The following EFR3B variants were observed in gnomAD, a reference collection of about 807,000 sequenced individuals.
The protein encoded by EFR3B is protein EFR3 homolog B.
In EFR3B, 64 loss-of-function variants were observed where a neutral mutation model predicts 104.7. That is an observed-to-expected ratio of 0.61 (90% CI 0.50 to 0.75). The LOEUF (loss-of-function observed/expected upper bound fraction) is 0.75, where lower values mean the gene tolerates loss of function less well. Among genes scored for constraint, EFR3B ranks in the 30% least tolerant of loss-of-function variants. The pLI, the probability that EFR3B is intolerant of heterozygous loss-of-function variation, is 0.00. For synonymous variants in EFR3B, 385 were observed against 417.9 expected (o/e 0.92, Z 0.96); for missense variants, 750 against 1,078.5 (o/e 0.70, Z 4.27).
intron 1 of EFR3B, among the ~76,000 whole-genome samples, chr2:25,059,386 T>TG (rs1668116810): frequency 6.6e-6 from 1 of 151,958 alleles, no homozygotes; most frequent in Non-Finnish European, 1.5e-5. Context: ...ACCCGGCCAA[T>TG]ATTCAGTCTT....
In EFR3B at chr2:25,131,076, A is replaced by G. The variant is rs897664373; in HGVS notation, c.850-292A>G. 5.3e-5 allele frequency among the ~76,000 whole-genome samples: 8 copies of G among 152,150 alleles called. No homozygotes were observed. The highest frequency in any genetic ancestry group is 1.0e-4 in the Non-Finnish European group (7 of 68,036). Reference sequence around the variant, plus strand: ...TGGCCTCCCGTGGCTCTTGCCGGAAAGACCTGAAGAAATGAAAGGAAGACC... The same window carrying G: ...TGGCCTCCCGTGGCTCTTGCCGGAAGGACCTGAAGAAATGAAAGGAAGACC... On this transcript the variant is annotated intron_variant, in intron 8 of 22. Coordinates refer to ENST00000403714, the MANE Select transcript of EFR3B (RefSeq NM_014971.2). The surrounding 1 kb of genome is among the most constrained non-coding windows in gnomAD (Gnocchi z 7.6).
At chr2:25,098,160 C>G (rs1454093532) in intron 3 of EFR3B, among the ~76,000 whole-genome samples, 1 of 152,116 alleles carries the variant, frequency 6.6e-6, no homozygotes, top group Non-Finnish European at 1.5e-5. Flanking sequence ...CCCTCTCTCC[C>G]TACTTCTGGA....
rs933467646 is a variant in EFR3B, at chr2:25,042,413, C to A, written c.7+94C>A. On this transcript the variant is annotated intron_variant, in intron 1 of 22. Transcript: ENST00000403714. This position sits in a 1 kb window ranked among gnomAD's most constrained non-coding sequence, Gnocchi z 5.4. Reference sequence around the variant, plus strand: ...ATTGTCCCCCTGCACGGCCCTGGCGCGGGGCCAGGCCGCTGACCTGGTGCC... The same window carrying A: ...ATTGTCCCCCTGCACGGCCCTGGCGAGGGGCCAGGCCGCTGACCTGGTGCC... 2 of 1,220,600 alleles carry A rather than the reference C, an allele frequency of 1.6e-6. No individual in the cohort carries two copies. The highest frequency in any genetic ancestry group is 2.0e-6 in the Non-Finnish European group (2 of 980,394). The allele number at this position is 1,220,600 out of a possible 1,614,324, so 75.6% of individuals were successfully genotyped here.
chr2:25,144,522 C>T (rs1176994256), intron 18 of EFR3B, among the ~76,000 whole-genome samples: 3 of 151,552 alleles, frequency 2.0e-5, no homozygotes, highest in Admixed American at 6.6e-5. Flanking sequence ...CCAGCCTGGG[C>T]GACAGAGCAA....
At chr2:25,073,315 T>C (rs964664728) in intron 1 of EFR3B, among the ~76,000 whole-genome samples, 4 of 152,026 alleles carry the variant, frequency 2.6e-5, no homozygotes, top group East Asian at 3.9e-4. Context: ...GCTCTCTCTA[T>C]GCTATAAAAT....
chr2:25,059,999 C>A (rs1006000953), intron 1 of EFR3B, among the ~76,000 whole-genome samples: 2 of 151,506 alleles, frequency 1.3e-5, no homozygotes, highest in East Asian at 3.9e-4. Flanking sequence ...GAATTCGAGA[C>A]CAGCCCGGCC....
intron 21 of EFR3B, among the ~76,000 whole-genome samples, chr2:25,153,495 T>C (rs1306865018): frequency 6.6e-6 from 1 of 152,190 alleles, no homozygotes; most frequent in East Asian, 1.9e-4. Flanking sequence ...TGAGCCTCTG[T>C]CCTGTCCCCA....
At chr2:25,150,377 TG>T (rs1216569394) in intron 20 of EFR3B, among the ~76,000 whole-genome samples, 1 of 151,766 alleles carries the variant, frequency 6.6e-6, no homozygotes, top group Non-Finnish European at 1.5e-5. Flanking sequence ...TTGGTTTATT[TG>T]GTGAAGTGTG....
At chr2:25,149,790 G>A (rs879064102) in intron 20 of EFR3B, 48 bp downstream of exon 20, 1 of 1,521,390 alleles carries the variant, frequency 6.6e-7, no homozygotes, top group Non-Finnish European at 8.9e-7. Context: ...ATGGGGTGGG[G>A]TCCTTGGGCC....
intron 1 of EFR3B, among the ~76,000 whole-genome samples, chr2:25,071,015 C>T (rs1668478858): frequency 1.3e-5 from 2 of 152,202 alleles, no homozygotes; most frequent in African/African-American, 4.8e-5. Flanking sequence ...GACTGGAGTG[C>T]ACTGGTGCGA....
chr2:25,103,968 T>A (rs1669496643), intron 4 of EFR3B, among the ~76,000 whole-genome samples, 181 bp downstream of exon 4: 1 of 151,754 alleles, frequency 6.6e-6, no homozygotes, highest in South Asian at 2.1e-4. Flanking sequence ...TTTCATTTTT[T>A]AATTTAAACA....
At chr2:25,076,807 G>A (rs374771076) in intron 1 of EFR3B, among the ~76,000 whole-genome samples, 7 of 152,254 alleles carry the variant, frequency 4.6e-5, no homozygotes, top group South Asian at 2.1e-4. Context: ...AAGATTGGCC[G>A]GAAACGGGTG....
At chr2:25,152,822 G>A (rs1335573038) in intron 21 of EFR3B, among the ~76,000 whole-genome samples, 1 of 49,430 alleles carries the variant, frequency 2.0e-5, no homozygotes, top group Non-Finnish European at 4.3e-5. Context: ...AAGTGTGTGT[G>A]TGTGTGTGTG....
chr2:25,157,749 T>A lies in EFR3B; in HGVS notation c.*3409T>A, dbSNP rs761494222. 3.3e-5 allele frequency: 5 copies of A among 152,174 alleles called. No homozygotes were observed. Among genetic ancestry groups the A allele is most frequent in the Admixed American group, 6.5e-5 (1 of 15,274 alleles). The allele number at this position is 152,174 out of a possible 1,614,324, so 9.4% of individuals were successfully genotyped here. On this transcript the variant is annotated 3_prime_UTR_variant, in exon 23 of 23. Coordinates refer to ENST00000403714, the MANE Select transcript of EFR3B (RefSeq NM_014971.2). ...CAGTGTGGTCCCGAGGCTCCCTCTGTTTTCCTTGCCATGGAGTCCCCAGCG... is the reference window on the plus strand; with the variant it reads ...CAGTGTGGTCCCGAGGCTCCCTCTGATTTCCTTGCCATGGAGTCCCCAGCG...
rs1670491945 is a variant in EFR3B at position 25,135,484 on chromosome 2, G to A, written c.1329G>A (p.Gln443=). 23 of 1,551,750 alleles carry A rather than the reference G, an allele frequency of 1.5e-5. No individual in the cohort carries two copies. The highest frequency in any genetic ancestry group is 1.9e-5 in the Non-Finnish European group (22 of 1,147,014). ...CCTTGCAGGTATCCACAGGTTTCCA[G>A]TGCAACAACATGATGTCAGCCCTGC... ...KSLLQVSTGF[Q]CNNMMSALPS... The change falls in exon 13 of 23, where the codon CAG becomes CAA. Residue 443 remains glutamine, a synonymous_variant. Transcript: ENST00000403714.
rs1317469251 is a variant in EFR3B, at chr2:25,093,253, G to C, written c.212+123G>C. ...CTCACGCCTGTAATCCCAGCGCTTT[G>C]GGAGGTCAAGGTGGGAGGATCACTG... On this transcript the variant is annotated intron_variant, in intron 3 of 22. Coordinates refer to ENST00000403714, the MANE Select transcript of EFR3B (RefSeq NM_014971.2). 11 of 1,313,018 alleles carry C rather than the reference G, an allele frequency of 8.4e-6. No homozygotes were observed. The Admixed American group carries it at 1.3e-4, about 16-fold the overall frequency. The allele number at this position is 1,313,018 out of a possible 1,614,324, so 81.3% of individuals were successfully genotyped here.
intron 5 of EFR3B, among the ~76,000 whole-genome samples, chr2:25,125,764 C>T (rs188035856): frequency 4.5e-4 from 69 of 152,240 alleles, no homozygotes; most frequent in Middle Eastern, 3.4e-3. Context: ...CTGGCTAACA[C>T]GGTGAAACCC....
intron 5 of EFR3B, 131 bp from the exon 6 acceptor site, chr2:25,128,052 T>C: frequency 4.0e-6 from 4 of 997,860 alleles, no homozygotes; most frequent in Non-Finnish European, 5.9e-6. Context: ...GAGTAGCAGC[T>C]GGTCTCCATT....
At chr2:25,049,190 T>C (rs1008419041) in intron 1 of EFR3B, among the ~76,000 whole-genome samples, 82 of 152,258 alleles carry the variant, frequency 5.4e-4, no homozygotes, top group African/African-American at 2.0e-3. Context: ...TTTCCCCTAG[T>C]ACTTGCTAAT....
Sources: allele counts gnomAD v4.1 joint callset (sites outside exome capture counted in the v4.1 genomes callset), GRCh38; gene constraint gnomAD v4.1.1; non-coding constraint Gnocchi (gnomAD v3.1); transcripts MANE v1.5; gene names NCBI Gene and HGNC (gene_info 2026-07-23, HGNC 2026-07-21).